The following PITRM1 variants were observed in gnomAD, a reference collection of about 807,000 sequenced individuals.
The protein encoded by PITRM1 is presequence protease, mitochondrial.
In PITRM1, 100 loss-of-function variants were observed where a neutral mutation model predicts 129.9. That is an observed-to-expected ratio of 0.77 (90% CI 0.65 to 0.91). PITRM1 has a LOEUF of 0.91. Ranked by LOEUF, PITRM1 falls within the 40% of genes least tolerant of loss-of-function variation. The probability of loss-of-function intolerance (pLI) is 0.00; values close to 1 mark genes in which losing one functional copy is unlikely to be tolerated. For synonymous variants in PITRM1, 591 were observed against 508.8 expected, an observed-to-expected ratio of 1.16 and a Z score of -2.17; for missense variants, 1,471 against 1,318.3, an observed-to-expected ratio of 1.12 and a Z score of -1.79.
intron 1 of PITRM1, 64 bp downstream of exon 1, chr10:3,172,653 C>T: frequency 6.9e-7 from 1 of 1,439,142 alleles, no homozygotes. Flanking sequence ...ACGCCTCCGG[C>T]CTGCCCTGGA....
chr10:3,144,285 T>G lies in PITRM1; in HGVS notation c.2532+7A>C. Reference sequence around the variant, plus strand: ...CGCTGGCAACCCGGATGGGCTGTGGTTCTTACCATGACCAGCTTCCTAATG... The same window carrying G: ...CGCTGGCAACCCGGATGGGCTGTGGGTCTTACCATGACCAGCTTCCTAATG... On this transcript the variant is annotated splice_region_variant and intron_variant, in intron 22 of 26. Transcript: ENST00000224949. 6.5e-7 allele frequency: 1 copy of G among 1,542,002 alleles called. No individual in the cohort carries two copies. Among genetic ancestry groups the G allele is most frequent in the Non-Finnish European group, 8.8e-7 (1 of 1,136,818 alleles).
intron 7 of PITRM1, among the ~76,000 whole-genome samples, chr10:3,160,744 C>T (rs1842376444): frequency 6.6e-6 from 1 of 151,428 alleles, no homozygotes; most frequent in African/African-American, 2.4e-5. Context: ...GACTACACCA[C>T]CACACTTGGT....
intron 18 of PITRM1, 88 bp downstream of exon 18, chr10:3,147,899 A>T: frequency 8.2e-7 from 1 of 1,216,616 alleles, no homozygotes; most frequent in Non-Finnish European, 1.2e-6. Context: ...ACAACAACAC[A>T]CACGAGTAAA....
chr10:3,172,573 A>C, intron 1 of PITRM1, 144 bp downstream of exon 1: 1 of 713,100 alleles, frequency 1.4e-6, no homozygotes, highest in Non-Finnish European at 2.2e-6. Flanking sequence ...GAGCTCCAGG[A>C]AGGGCTCGGG....
Position 3,166,245 on chromosome 10 carries a change from G to T in PITRM1, c.402C>A (p.Phe134Leu). ...TGGTCTTACCTGTGAAGGCGTTCAT[G>T]AACGTGGAGAGGGACCGGTTCAACA... ...FKMLNRSLST[F>L]MNAFTASDYT... Residue 134 changes from phenylalanine to leucine, a missense_variant, in exon 4 of 27, where the codon TTC (phenylalanine) becomes TTA (leucine). Transcript: ENST00000224949. 3 of 1,611,942 alleles carry T rather than the reference G, an allele frequency of 1.9e-6. No individual in the cohort carries two copies. In the South Asian group the frequency reaches 3.3e-5, roughly 18 times the overall value.
At position 3,138,047 on chromosome 10, in the gene PITRM1, G is replaced by C; in HGVS notation, c.3098C>G (p.Ser1033Cys). The change falls in exon 27 of 27, where the codon TCC becomes TGC. Residue 1033 changes from serine to cysteine, a missense_variant. By Grantham distance (112) the Ser-to-Cys change is moderately radical. Transcript: ENST00000224949. ...PENPKIAKDP[S>C]WIIQ ...CACGGCTGCTCATTGGATGATCCAG[G>C]ATGGGTCCTTGGCAATTTTCGGGTT... is the stretch of plus-strand genomic sequence containing the variant. 1 of 1,606,474 alleles carries C rather than the reference G, an allele frequency of 6.2e-7. No individual in the cohort carries two copies. The highest frequency in any genetic ancestry group is 1.7e-5 in the Admixed American group (1 of 59,314).
intron 9 of PITRM1, among the ~76,000 whole-genome samples, 176 bp from the exon 10 acceptor site, chr10:3,159,218 G>A (rs917603013): frequency 6.6e-6 from 1 of 152,132 alleles, no homozygotes; most frequent in Non-Finnish European, 1.5e-5. Flanking sequence ...ATTTTTGAAG[G>A]GGGGCACAAA....
At position 3,163,810 on chromosome 10, in the gene PITRM1, C is replaced by G. The variant is rs748509240; in HGVS notation, c.706G>C (p.Gly236Arg). 1 of 1,611,694 alleles carries G rather than the reference C, an allele frequency of 6.2e-7. No individual in the cohort carries two copies. The highest frequency in any genetic ancestry group is 1.7e-5 in the Admixed American group (1 of 59,914). Residue 236 changes from glycine (G) to arginine (R), a missense_variant, in exon 7 of 27, where the codon GGG (glycine) becomes CGG (arginine). Physicochemically the swap from Gly to Arg is moderately radical, Grantham distance 125. Transcript: ENST00000224949. ...TCCGGGATGCACAGTGGGTCACCCC[C>G]GGAGACCACTGAGTACGTGTGGTCA... ...LPDHTYSVVS[G>R]GDPLCIPELT... is the part of the protein sequence containing the mutation.
chr10:3,155,577 A>AG lies in PITRM1; in HGVS notation c.1621+13dup. ...CAGGTTAGGGACTCGCCAGCTCGGAAGGAAGCCTCTGACCTTTCTCGTAGA... is the reference window on the plus strand; with the variant it reads ...CAGGTTAGGGACTCGCCAGCTCGGAAGGGAAGCCTCTGACCTTTCTCGTAGA... On this transcript the variant is annotated intron_variant, in intron 14 of 26. Transcript: ENST00000224949. The AG allele has an allele frequency of 6.2e-7, 1 of 1,613,746 alleles. No homozygotes were observed. Among genetic ancestry groups the AG allele is most frequent in the South Asian group, 1.1e-5 (1 of 91,064 alleles).
chr10:3,138,212 T>A (rs762417158), intron 26 of PITRM1, 23 bp downstream of exon 26: 9 of 1,599,720 alleles, frequency 5.6e-6, no homozygotes, highest in South Asian at 1.1e-5. Flanking sequence ...TCCCAGACGC[T>A]GTCTCCCCCG....
chr10:3,140,192 G>T (rs1840041015), intron 24 of PITRM1, among the ~76,000 whole-genome samples: 3 of 152,174 alleles, frequency 2.0e-5, no homozygotes, highest in Non-Finnish European at 4.4e-5. Context: ...TAAAACAAGG[G>T]TTCTGTGAAC....
At chr10:3,150,853 G>T (rs899538530) in intron 15 of PITRM1, among the ~76,000 whole-genome samples, 1 of 152,088 alleles carries the variant, frequency 6.6e-6, no homozygotes, top group Non-Finnish European at 1.5e-5. Flanking sequence ...GCTTTCTGGG[G>T]GCTCTCGTCC....
At position 3,166,290 on chromosome 10, in the gene PITRM1, G is replaced by C; in HGVS notation, c.357C>G (p.Cys119Trp). The part of the protein sequence containing the change: ...TVLCGSQKYP[C>W]RDPFFKMLNR... The stretch of plus-strand genomic sequence containing the variant: ...TCAACATTTTGAAGAAAGGGTCTCT[G>C]CACGGATATTTCTGAGACCCACAAA... The change falls in exon 4 of 27, where the codon TGC (cysteine) becomes TGG (tryptophan). Residue 119 changes from cysteine (C) to tryptophan (W), a missense_variant. Cys to Trp is a radical substitution (Grantham distance 215, BLOSUM62 -2). Coordinates refer to ENST00000224949, the MANE Select transcript of PITRM1 (RefSeq NM_014889.4). 6 of 1,612,162 alleles carry C rather than the reference G, an allele frequency of 3.7e-6. No individual in the cohort carries two copies. The highest frequency in any genetic ancestry group is 5.1e-6 in the Non-Finnish European group (6 of 1,179,126).
intron 19 of PITRM1, 90 bp from the exon 20 acceptor site, chr10:3,147,340 C>T: frequency 1.9e-6 from 2 of 1,078,376 alleles, no homozygotes; most frequent in Non-Finnish European, 2.8e-6. Context: ...CAGAACCCTG[C>T]TTGGGCAGGG....
chr10:3,142,988 G>A (rs1334721478), intron 23 of PITRM1: 2 of 172,878 alleles, frequency 1.2e-5, no homozygotes, highest in East Asian at 1.7e-4. Flanking sequence ...GTCTTGATCT[G>A]CCTTTGCTGT....
At chr10:3,142,793 T>G (rs1234272595) in intron 23 of PITRM1, among the ~76,000 whole-genome samples, 1 of 152,188 alleles carries the variant, frequency 6.6e-6, no homozygotes, top group East Asian at 1.9e-4. Flanking sequence ...AGAGGGACTG[T>G]GAGGCGGCCT....
chr10:3,151,366 A>C lies in PITRM1; in HGVS notation c.1622-3T>G. The C allele has an allele frequency of 8.8e-7, 1 of 1,130,488 alleles. No individual in the cohort carries two copies. Among genetic ancestry groups the C allele is most frequent in the Non-Finnish European group, 1.2e-6 (1 of 828,524 alleles). The allele number at this position is 1,130,488 out of a possible 1,614,324, so 70.0% of individuals were successfully genotyped here. ...TTGTTGACTCCGTAATTCTAGACCT[A>C]AAAAAGAAACAAGAAAAAGGAATAT... On this transcript the variant is annotated splice_polypyrimidine_tract_variant and splice_region_variant and intron_variant, in intron 14 of 26. Coordinates refer to ENST00000224949, the MANE Select transcript of PITRM1 (RefSeq NM_014889.4).
rs552658054 is a variant in PITRM1 at position 3,167,194 on chromosome 10, C to T, written c.160-152G>A. On this transcript the variant is annotated intron_variant, in intron 2 of 26. Transcript: ENST00000224949. ...TCAGAGCTGGAGAGAAGAGAACCAT[C>T]TTGTCCAGGTCCCTTATCCTACAAA... Among the ~76,000 whole-genome samples the T allele has an allele frequency of 2.0e-5, 3 of 152,298 alleles. No homozygotes were observed. In the South Asian group the frequency reaches 6.2e-4, roughly 32 times the overall value.
intron 22 of PITRM1, chr10:3,143,738 T>G (rs144615329): frequency 4.7e-5 from 33 of 698,672 alleles, no homozygotes; most frequent in Non-Finnish European, 7.5e-5. Context: ...AAAACTGACA[T>G]GAAGTCCTCC....
Sources: gnomAD v4.1 joint callset for allele counts (sites outside exome capture counted in the v4.1 genomes callset) on GRCh38, gnomAD v4.1.1 for gene constraint, MANE v1.5 for transcripts, NCBI Gene and HGNC (gene_info 2026-07-23, HGNC 2026-07-21) for gene names.